SASH1: variants seen among roughly 807,000 people sequenced by gnomAD.
SASH1 encodes the protein SAM and SH3 domain containing 1.
A neutral mutation model predicts 125.2 loss-of-function variants in SASH1; 44 were observed. That is an observed-to-expected ratio of 0.35 (90% CI 0.28 to 0.45). The LOEUF (loss-of-function observed/expected upper bound fraction) is 0.45, where lower values mean the gene tolerates loss of function less well. Among genes scored for constraint, SASH1 ranks in the 20% least tolerant of loss-of-function variants. The pLI is 1.00. For missense variants in SASH1, 1,426 were observed against 1,614.5 expected (o/e 0.88, Z 2.00); for synonymous variants, 639 against 649.1 (o/e 0.98, Z 0.24).
At position 148,487,631 on chromosome 6, in the gene SASH1, C is replaced by T; in HGVS notation, c.645C>T (p.Ala215=). 1 of 1,613,340 alleles carries T rather than the reference C, an allele frequency of 6.2e-7. No homozygotes were observed. The highest frequency in any genetic ancestry group is 8.5e-7 in the Non-Finnish European group (1 of 1,179,592). ...EALARLKEYE[A]QHRQSAALDP... ...TGTTACAGCTCAAGGAATACGAGGC[C>T]CAGCACCGGCAGTCGGCTGCCCTGG... Residue 215 remains alanine, a synonymous_variant, in exon 8 of 20, where the codon GCC becomes GCT. Coordinates refer to ENST00000367467, the MANE Select transcript of SASH1 (RefSeq NM_015278.5).
chr6:148,306,728 C>T lies in SASH1; in HGVS notation n.74+34351C>T, dbSNP rs1562316352. ...ACAGGGTCAGGTTTTCTTCTTCATT[C>T]CTCCTTTCCCCCTGAGAAAGAGGCT... On this transcript the variant is annotated intron_variant and non_coding_transcript_variant, in intron 1 of 3. Coordinates refer to the SASH1 transcript ENST00000367469. 3.3e-5 allele frequency among the ~76,000 whole-genome samples: 5 copies of T among 152,272 alleles called. No individual in the cohort carries two copies. In the East Asian group the frequency reaches 9.6e-4, roughly 29 times the overall value.
chr6:148,206,839 A>G, the SASH1 span, among the ~76,000 whole-genome samples: 6 of 150,162 alleles, frequency 4.0e-5, no homozygotes, highest in African/African-American at 1.5e-4. Flanking sequence ...ACAAATTAAC[A>G]TAAATACATT....
intron 8 of SASH1, among the ~76,000 whole-genome samples, chr6:148,493,603 C>T (rs924655399): frequency 1.3e-5 from 2 of 152,202 alleles, no homozygotes; most frequent in African/African-American, 4.8e-5. Flanking sequence ...CCTGTCATGC[C>T]TTAGGATTTC....
chr6:148,514,570 A>G, intron 9 of SASH1, 114 bp downstream of exon 9: 1 of 1,260,472 alleles, frequency 7.9e-7, no homozygotes, highest in Non-Finnish European at 1.0e-6. Context: ...CAAGTGGAAA[A>G]TGCATTGAGC....
At chr6:148,239,760 A>G in the SASH1 span, among the ~76,000 whole-genome samples, 1 of 151,024 alleles carries the variant, frequency 6.6e-6, no homozygotes, top group African/African-American at 2.4e-5. Flanking sequence ...AGGAAATGTT[A>G]TCATGCTATA....
intron 1 of SASH1, among the ~76,000 whole-genome samples, chr6:148,318,025 GGA>G: frequency 6.7e-6 from 1 of 150,300 alleles, no homozygotes; most frequent in South Asian, 2.1e-4. Context: ...TAAAAGCCCA[GGA>G]CTTAGACTGA....
intron 2 of SASH1, among the ~76,000 whole-genome samples, chr6:148,419,065 G>A (rs1300694188): frequency 2.6e-5 from 4 of 152,136 alleles, no homozygotes; most frequent in Admixed American, 6.6e-5. Flanking sequence ...TTGTTGCTCT[G>A]TGAATAATTT....
At chr6:148,428,897 A>C (rs1775938669) in intron 2 of SASH1, among the ~76,000 whole-genome samples, 1 of 152,190 alleles carries the variant, frequency 6.6e-6, no homozygotes, top group Non-Finnish European at 1.5e-5. Flanking sequence ...TTCACTCGGA[A>C]GAAAATTTCT....
intron 4 of SASH1, among the ~76,000 whole-genome samples, chr6:148,445,992 C>A (rs1776752260): frequency 6.6e-6 from 1 of 151,356 alleles, no homozygotes; most frequent in South Asian, 2.1e-4. Flanking sequence ...GAAAGGGGAC[C>A]CAGAATTGGG....
intron 8 of SASH1, among the ~76,000 whole-genome samples, chr6:148,499,057 G>GTTTTTTTTT (rs4052628): frequency 7.9e-6 from 1 of 127,082 alleles, no homozygotes; most frequent in Non-Finnish European, 1.7e-5. Flanking sequence ...TCTTTTTTTT[G>GTTTTTTTTT]TTTTTTTTTT....
At chr6:148,443,476 T>C (rs1776638892) in intron 4 of SASH1, among the ~76,000 whole-genome samples, 1 of 139,160 alleles carries the variant, frequency 7.2e-6, no homozygotes, top group Non-Finnish European at 1.5e-5. Context: ...ACATATTATA[T>C]ATTTTTATAT....
At chr6:148,479,176 G>A (rs1171806260) in intron 7 of SASH1, among the ~76,000 whole-genome samples, 1 of 151,066 alleles carries the variant, frequency 6.6e-6, no homozygotes, top group Non-Finnish European at 1.5e-5. Flanking sequence ...AGCCTCCCAA[G>A]TAGCTGGGAT....
intron 2 of SASH1, among the ~76,000 whole-genome samples, chr6:148,438,681 C>T (rs61700816): frequency 7.1e-6 from 1 of 141,414 alleles, no homozygotes; most frequent in Non-Finnish European, 1.5e-5. Flanking sequence ...TCATCCCATT[C>T]TCAGATGTAC....
the SASH1 span, among the ~76,000 whole-genome samples, chr6:148,213,938 T>C: frequency 6.6e-6 from 1 of 152,200 alleles, no homozygotes; most frequent in Non-Finnish European, 1.5e-5. Flanking sequence ...CCTAGTCTTT[T>C]ATATCTCTGC....
At chr6:148,239,342 T>A in the SASH1 span, among the ~76,000 whole-genome samples, 128 of 152,262 alleles carry the variant, frequency 8.4e-4, 1 homozygote, top group African/African-American at 3.1e-3. Flanking sequence ...GATATGGCCT[T>A]AGGATGTTTT....
the SASH1 span, among the ~76,000 whole-genome samples, chr6:148,195,491 C>T: frequency 2.0e-5 from 3 of 152,236 alleles, no homozygotes; most frequent in Admixed American, 6.5e-5. Context: ...GACTTATAAG[C>T]AGCTACCATG....
the SASH1 span, among the ~76,000 whole-genome samples, chr6:148,202,669 A>G: frequency 1.3e-5 from 2 of 152,242 alleles, no homozygotes; most frequent in African/African-American, 2.4e-5. Context: ...AAGAAAGAAT[A>G]TAAGGTGAGG....
chr6:148,527,715 C>A, intron 12 of SASH1, 119 bp downstream of exon 12: 1 of 951,898 alleles, frequency 1.1e-6, no homozygotes, highest in Non-Finnish European at 1.6e-6. Flanking sequence ...TAACCTGCTC[C>A]AAGTCCGTGC....
chr6:148,413,010 G>A (rs1000106350), intron 2 of SASH1, among the ~76,000 whole-genome samples: 2 of 152,148 alleles, frequency 1.3e-5, no homozygotes, highest in Admixed American at 1.3e-4. Flanking sequence ...TTGATTTCTT[G>A]TTGAATGCAC....
Sources: gnomAD v4.1 joint callset for allele counts (sites outside exome capture counted in the v4.1 genomes callset) on GRCh38, gnomAD v4.1.1 for gene constraint, MANE v1.5 for transcripts, NCBI Gene and HGNC (gene_info 2026-07-23, HGNC 2026-07-21) for gene names.